Variants in ARHGAP15 observed in about 807,000 individuals in gnomAD.
ARHGAP15 encodes Rho GTPase activating protein 15, also known as rho GTPase-activating protein 15.
In ARHGAP15, 51 loss-of-function variants were observed where a neutral mutation model predicts 63.7. The ratio of observed to expected loss-of-function variants is 0.80; its 90% CI spans 0.64 to 1.01. The LOEUF is 1.01. Among genes scored for constraint, ARHGAP15 ranks in the 50% least tolerant of loss-of-function variants. ARHGAP15 has a pLI of 0.00. For missense variants in ARHGAP15, 560 were observed against 564.6 expected (o/e 0.99, Z 0.08); for synonymous variants, 191 against 193.8 (o/e 0.99, Z 0.12).
intron 12 of ARHGAP15, among the ~76,000 whole-genome samples, chr2:143,663,802 A>T (rs1324714452): frequency 3.9e-5 from 6 of 152,264 alleles, no homozygotes; most frequent in Admixed American, 3.3e-4. Flanking sequence ...ACCAACAAAG[A>T]TCAAAAGGGA....
At chr2:143,584,423 C>T (rs957844796) in intron 11 of ARHGAP15, among the ~76,000 whole-genome samples, 11 of 151,992 alleles carry the variant, frequency 7.2e-5, no homozygotes, top group African/African-American at 2.7e-4. Flanking sequence ...GTTAGGAGTT[C>T]GAGACCAGCC....
chr2:143,754,900 C>T (rs1273402512), intron 13 of ARHGAP15, among the ~76,000 whole-genome samples: 1 of 152,224 alleles, frequency 6.6e-6, no homozygotes, highest in East Asian at 1.9e-4. Context: ...TCCTTTGCAA[C>T]TCAACTGCCT....
intron 13 of ARHGAP15, among the ~76,000 whole-genome samples, chr2:143,738,275 T>G (rs942042819): frequency 2.0e-5 from 3 of 152,048 alleles, no homozygotes; most frequent in African/African-American, 7.2e-5. Context: ...TTTATCAGAG[T>G]AGCAAATAAG....
At position 143,468,402 on chromosome 2, in the gene ARHGAP15, A is replaced by G. The variant is rs1691342385; in HGVS notation, c.704-18971A>G. Among the ~76,000 whole-genome samples the G allele has an allele frequency of 3.3e-5, 5 of 152,242 alleles. No homozygotes were observed. The South Asian group carries it at 1.0e-3, about 32-fold the overall frequency. The stretch of plus-strand genomic sequence containing the variant: ...AAACTGAAAGCTTCAGCTGCAACTC[A>G]TTTGTGAACATAAGGTGAATATGGC... On this transcript the variant is annotated intron_variant, in intron 8 of 13. Coordinates refer to ENST00000295095, the MANE Select transcript of ARHGAP15 (RefSeq NM_018460.4).
chr2:143,349,209 G>A (rs1298227541), intron 6 of ARHGAP15, among the ~76,000 whole-genome samples: 2 of 152,182 alleles, frequency 1.3e-5, no homozygotes, highest in Non-Finnish European at 2.9e-5. Flanking sequence ...CAATAAAAAT[G>A]TTCATTCTGA....
intron 11 of ARHGAP15, among the ~76,000 whole-genome samples, chr2:143,586,602 C>T (rs1697117994): frequency 6.6e-6 from 1 of 151,942 alleles, no homozygotes; most frequent in Admixed American, 6.6e-5. Context: ...TTCCTGAGCT[C>T]TACCCACTGC....
chr2:143,460,097 A>G (rs978664476), intron 8 of ARHGAP15, among the ~76,000 whole-genome samples: 1 of 152,148 alleles, frequency 6.6e-6, no homozygotes, highest in Non-Finnish European at 1.5e-5. Context: ...TCATGGGTTT[A>G]CTTTGTTTTC....
At chr2:143,189,935 T>G (rs1392554954) in intron 2 of ARHGAP15, among the ~76,000 whole-genome samples, 1 of 152,186 alleles carries the variant, frequency 6.6e-6, no homozygotes, top group Non-Finnish European at 1.5e-5. Context: ...TTATTTTAAT[T>G]ACAGTGCTAA....
At chr2:143,569,446 T>C (rs939185596) in intron 11 of ARHGAP15, among the ~76,000 whole-genome samples, 10 of 152,098 alleles carry the variant, frequency 6.6e-5, no homozygotes, top group African/African-American at 1.9e-4. Flanking sequence ...AAGGTCTCTT[T>C]GAGGAGGAGA....
chr2:143,339,991 C>T (rs1461989369), intron 6 of ARHGAP15, among the ~76,000 whole-genome samples: 4 of 152,110 alleles, frequency 2.6e-5, no homozygotes, highest in Admixed American at 6.6e-5. Context: ...GATTTCTAAA[C>T]GTCTCAGACT....
intron 12 of ARHGAP15, among the ~76,000 whole-genome samples, chr2:143,691,400 A>C (rs1574846529): frequency 6.6e-6 from 1 of 152,170 alleles, no homozygotes; most frequent in Non-Finnish European, 1.5e-5. Flanking sequence ...AAGCAAAAGC[A>C]CTTCTCTCCC....
intron 11 of ARHGAP15, among the ~76,000 whole-genome samples, chr2:143,592,094 CAT>C (rs975403241): frequency 6.6e-6 from 1 of 152,070 alleles, no homozygotes; most frequent in Non-Finnish European, 1.5e-5. Flanking sequence ...AGTCAAATGC[CAT>C]TCAGTAATTC....
chr2:143,625,303 T>G (rs542005330), intron 12 of ARHGAP15, among the ~76,000 whole-genome samples: 3 of 152,254 alleles, frequency 2.0e-5, no homozygotes, highest in Admixed American at 2.0e-4. Flanking sequence ...GGGGGTCCTG[T>G]GTTGGAAAAC....
At chr2:143,313,483 A>G (rs1283840512) in intron 6 of ARHGAP15, among the ~76,000 whole-genome samples, 3 of 152,134 alleles carry the variant, frequency 2.0e-5, no homozygotes, top group African/African-American at 7.2e-5. Context: ...GTGTCACCTC[A>G]GACAACTTCC....
chr2:143,155,408 C>A, intron 1 of ARHGAP15, 69 bp from the exon 2 acceptor site: 1 of 1,326,156 alleles, frequency 7.5e-7, no homozygotes, highest in Non-Finnish European at 1.0e-6. Context: ...TTACTAGGGA[C>A]ACTCCATCAA....
chr2:143,132,668 G>T (rs1688957517), intron 1 of ARHGAP15, among the ~76,000 whole-genome samples: 1 of 152,198 alleles, frequency 6.6e-6, no homozygotes, highest in Non-Finnish European at 1.5e-5. Context: ...CAGCACTTGG[G>T]CTCTCTGCTA....
intron 10 of ARHGAP15, among the ~76,000 whole-genome samples, chr2:143,554,405 A>AGC (rs900720185): frequency 3.3e-5 from 5 of 152,000 alleles, no homozygotes; most frequent in Non-Finnish European, 7.4e-5. Context: ...AAAACCCCCA[A>AGC]GCATGCCATT....
At chr2:143,132,423 T>C (rs1275898886) in intron 1 of ARHGAP15, among the ~76,000 whole-genome samples, 1 of 152,238 alleles carries the variant, frequency 6.6e-6, no homozygotes, top group African/African-American at 2.4e-5. Context: ...GTAAGCAGTC[T>C]CTAGTGGAAG....
At chr2:143,369,021 C>T (rs1686424245) in intron 6 of ARHGAP15, among the ~76,000 whole-genome samples, 1 of 151,972 alleles carries the variant, frequency 6.6e-6, no homozygotes, top group Non-Finnish European at 1.5e-5. Flanking sequence ...TGAATAGTGA[C>T]ACATTCAGAC....
Sources: allele counts gnomAD v4.1 joint callset (sites outside exome capture counted in the v4.1 genomes callset), GRCh38; gene constraint gnomAD v4.1.1; transcripts MANE v1.5; gene names NCBI Gene and HGNC (gene_info 2026-07-23, HGNC 2026-07-21).